The following ZBED6 variants were observed in gnomAD, a reference collection of about 807,000 sequenced individuals.
The protein encoded by ZBED6 is zinc finger BED-type containing 6.
Under a neutral mutation model 58.4 loss-of-function variants are expected in ZBED6, and 40 were observed. That is an observed-to-expected ratio of 0.68 (90% CI 0.53 to 0.89). ZBED6 has a LOEUF of 0.89. ZBED6 is among the 40% of genes least tolerant of loss of function. ZBED6 has a pLI of 0.00. For synonymous variants in ZBED6, 439 were observed against 350.6 expected (o/e 1.25, Z -2.82); for missense variants, 1,057 against 1,003.9 (o/e 1.05, Z -0.71).
intron 1 of ZBED6, chr1:203,806,392 TC>T (rs1490502580): frequency 5.5e-6 from 1 of 182,776 alleles, no homozygotes; most frequent in African/African-American, 2.4e-5. Context: ...GCCTCTGCCT[TC>T]CGGGTTCAAG....
At chr1:203,818,031 G>T (rs1414717882) in intron 2 of ZBED6, among the ~76,000 whole-genome samples, 1 of 152,066 alleles carries the variant, frequency 6.6e-6, no homozygotes, top group Non-Finnish European at 1.5e-5. Flanking sequence ...ACAGGCGTGA[G>T]CCCCCACGCC....
chr1:203,803,492 A>G (rs1671155973), intron 1 of ZBED6, among the ~76,000 whole-genome samples: 1 of 152,170 alleles, frequency 6.6e-6, no homozygotes, highest in African/African-American at 2.4e-5. Flanking sequence ...CCTCTGGCCC[A>G]TAGTTTTTCT....
chr1:203,804,234 C>T (rs1671452597), intron 1 of ZBED6, among the ~76,000 whole-genome samples: 1 of 149,316 alleles, frequency 6.7e-6, no homozygotes, highest in African/African-American at 2.5e-5. Context: ...TCACTGCAAA[C>T]TCCGCCTCCC....
At chr1:203,805,077 A>T (rs139566363) in intron 1 of ZBED6, among the ~76,000 whole-genome samples, 2,870 of 151,878 alleles carry the variant, frequency 0.019, 78 homozygotes, top group African/African-American at 0.065. Flanking sequence ...AATATTCATT[A>T]TTGATTTCAA....
intron 13 of ZBED6, among the ~76,000 whole-genome samples, chr1:203,849,271 G>A (rs928325732): frequency 6.6e-6 from 1 of 152,162 alleles, no homozygotes; most frequent in African/African-American, 2.4e-5. Context: ...GAACTCTACA[G>A]TGTATCATTT....
intron 1 of ZBED6, among the ~76,000 whole-genome samples, chr1:203,808,178 C>T (rs754029641): frequency 5.3e-5 from 8 of 152,044 alleles, no homozygotes; most frequent in Non-Finnish European, 1.0e-4. Flanking sequence ...TATCTAAAAA[C>T]TTCTAAGTTC....
At chr1:203,800,510 A>G (rs1254640294) in exon 1 of ZBED6, 1 of 1,428,802 alleles carries the variant, frequency 7.0e-7, no homozygotes, top group Non-Finnish European at 9.1e-7. Context: ...GTGTTACTGT[A>G]TCTTAATAGC....
chr1:203,798,963 C>T (rs1410399043), exon 1 of ZBED6: 3 of 1,536,082 alleles, frequency 2.0e-6, no homozygotes, highest in East Asian at 2.4e-5. Flanking sequence ...CCAAAAGATA[C>T]ACCTGACTGT....
At position 203,841,118 on chromosome 1, in the gene ZBED6, C is replaced by T. The variant is rs1267837213; in HGVS notation, c.*3741+744C>T. On this transcript the variant is annotated intron_variant, in intron 11 of 16. Transcript: ENST00000550078. ...AGAGAGCACATACCACTTTTGACCTCCTGATTTAGGGCAACATAAGAATCT... is the reference window on the plus strand; with the variant it reads ...AGAGAGCACATACCACTTTTGACCTTCTGATTTAGGGCAACATAAGAATCT... Among the ~76,000 whole-genome samples the T allele has an allele frequency of 6.0e-5, 9 of 149,540 alleles. No individual in the cohort carries two copies. The Admixed American group carries it at 6.0e-4, about 10-fold the overall frequency.
chr1:203,816,801 G>T, intron 1 of ZBED6, 125 bp from the exon 2 acceptor site: 1 of 344,964 alleles, frequency 2.9e-6, no homozygotes, highest in African/African-American at 2.1e-5. Flanking sequence ...GTGTTTACAA[G>T]GCTCTGTATA....
Position 203,797,375 on chromosome 1 carries a change from T to TC in ZBED6, c.-148_-147insC. ...TGTCAGTTTTCCTCCAAAAATAACC[T>TC]GGCTTGGAAGTTATTGGTCCAGTGG... is the stretch of plus-strand genomic sequence containing the variant. On this transcript the variant is annotated 5_prime_UTR_variant, in exon 1 of 17. The change creates a premature stop within an existing upstream ORF in the 5' untranslated region. Transcript: ENST00000550078. 1.4e-6 allele frequency: 1 copy of TC among 707,006 alleles called. No homozygotes were observed. The highest frequency in any genetic ancestry group is 2.6e-5 in the South Asian group (1 of 38,556). The allele number at this position is 707,006 out of a possible 1,614,324, so 43.8% of individuals were successfully genotyped here.
chr1:203,838,701 A>C (rs549919419), intron 10 of ZBED6, among the ~76,000 whole-genome samples: 1 of 152,204 alleles, frequency 6.6e-6, no homozygotes, highest in Non-Finnish European at 1.5e-5. Context: ...CTGTAATCCC[A>C]GTACTTTGGG....
intron 12 of ZBED6, among the ~76,000 whole-genome samples, chr1:203,848,087 C>G (rs1688361950): frequency 6.6e-6 from 1 of 152,140 alleles, no homozygotes; most frequent in African/African-American, 2.4e-5. Context: ...AACTCCTCAC[C>G]TCAAGTGTGA....
At chr1:203,834,918 A>G (rs941562231) in intron 9 of ZBED6, among the ~76,000 whole-genome samples, 6 of 152,280 alleles carry the variant, frequency 3.9e-5, no homozygotes, top group Non-Finnish European at 8.8e-5. Flanking sequence ...TGCTGGGATT[A>G]TAGGCATGAG....
exon 1 of ZBED6, chr1:203,799,743 C>A: frequency 1.2e-6 from 1 of 805,536 alleles, no homozygotes; most frequent in Non-Finnish European, 2.1e-6. Context: ...GGCCCTCAAT[C>A]TGGTGGATAG....
chr1:203,810,895 T>C (rs1674244604), intron 1 of ZBED6, among the ~76,000 whole-genome samples: 1 of 150,882 alleles, frequency 6.6e-6, no homozygotes, highest in South Asian at 2.1e-4. Context: ...CTTTGAGAGG[T>C]TGAGGCGGGC....
At chr1:203,828,950 C>T (rs1389793912) in intron 4 of ZBED6, among the ~76,000 whole-genome samples, 1 of 152,124 alleles carries the variant, frequency 6.6e-6, no homozygotes, top group African/African-American at 2.4e-5. Context: ...AGTGGTTATT[C>T]CCAAAGTTCA....
chr1:203,836,315 T>C (rs1019959431), intron 9 of ZBED6, among the ~76,000 whole-genome samples: 1 of 152,294 alleles, frequency 6.6e-6, no homozygotes, highest in South Asian at 2.1e-4. Flanking sequence ...AAATTATAAA[T>C]GAGGGGAGAG....
At position 203,840,286 on chromosome 1, in the gene ZBED6, G is replaced by C. The variant is rs187490448; in HGVS notation, c.*3673-20G>C. ...AGTTTCTGTTCAACTTTTGATTTTT[G>C]AAAATCTTTCTTTTCACAGCTCAAG... On this transcript the variant is annotated intron_variant, in intron 10 of 16. Transcript: ENST00000550078. 6.2e-7 allele frequency: 1 copy of C among 1,607,350 alleles called. No individual in the cohort carries two copies. Among genetic ancestry groups the C allele is most frequent in the Admixed American group, 1.7e-5 (1 of 59,290 alleles).
Sources: gnomAD v4.1 joint callset for allele counts (sites outside exome capture counted in the v4.1 genomes callset) on GRCh38, gnomAD v4.1.1 for gene constraint, MANE v1.5 for transcripts, NCBI Gene and HGNC (gene_info 2026-07-23, HGNC 2026-07-21) for gene names.